Variants in CACNA1A observed in about 807,000 individuals in gnomAD.
CACNA1A encodes voltage-dependent P/Q-type calcium channel subunit alpha-1A.
CACNA1A carries 57 observed loss-of-function variants against 262.4 expected under a neutral mutation model. The observed-to-expected ratio is 0.22, with a 90% CI of 0.18 to 0.27. The LOEUF (loss-of-function observed/expected upper bound fraction) is 0.27. Ranked by LOEUF, CACNA1A falls within the 10% of genes least tolerant of loss-of-function variation. CACNA1A has a pLI of 1.00. For synonymous variants in CACNA1A, 1,431 were observed against 1,419.3 expected, an observed-to-expected ratio of 1.01 and a Z score of -0.18; for missense variants, 2,526 against 3,562.8, an observed-to-expected ratio of 0.71 and a Z score of 7.41.
intron 38 of CACNA1A, among the ~76,000 whole-genome samples, chr19:13,218,589 T>G (rs1042139628): frequency 6.6e-6 from 1 of 152,094 alleles, no homozygotes; most frequent in African/African-American, 2.4e-5. Flanking sequence ...GGAATTTGTT[T>G]GTTTGTTTGA....
intron 8 of CACNA1A, chr19:13,334,162 A>C: frequency 1.9e-6 from 1 of 530,638 alleles, no homozygotes; most frequent in Admixed American, 3.2e-5. Context: ...CTGATTTCAG[A>C]ATTCAAGTTA....
chr19:13,291,633 T>TTA (rs1164739870), intron 19 of CACNA1A, among the ~76,000 whole-genome samples: 5 of 97,360 alleles, frequency 5.1e-5, no homozygotes, highest in South Asian at 3.6e-4. Context: ...ACCCCATCTC[T>TTA]AAAAAAAAAA....
intron 6 of CACNA1A, among the ~76,000 whole-genome samples, chr19:13,342,994 A>G (rs192837134): frequency 6.6e-6 from 1 of 151,914 alleles, no homozygotes; most frequent in Non-Finnish European, 1.5e-5. Flanking sequence ...GGCTCAAGTG[A>G]TCCTCCTGCT....
intron 1 of CACNA1A, among the ~76,000 whole-genome samples, chr19:13,480,898 C>A (rs1353811000): frequency 2.0e-5 from 3 of 152,086 alleles, no homozygotes; most frequent in Admixed American, 2.0e-4. Flanking sequence ...TGAATCTGAT[C>A]AAAAACTCAT....
chr19:13,250,957 C>A (rs1427998782), intron 30 of CACNA1A, among the ~76,000 whole-genome samples: 1 of 151,498 alleles, frequency 6.6e-6, no homozygotes, highest in Non-Finnish European at 1.5e-5. Flanking sequence ...CATGGTGAAA[C>A]CCCGTCTCTA....
chr19:13,470,106 A>C (rs2061324800), intron 1 of CACNA1A, among the ~76,000 whole-genome samples: 1 of 152,142 alleles, frequency 6.6e-6, no homozygotes, highest in Non-Finnish European at 1.5e-5. Context: ...ACACCCGTGC[A>C]TATTGGTATA....
rs147592897 is a variant in CACNA1A at position 13,216,341 on chromosome 19, A to C, written c.5732-1733T>G. Among the ~76,000 whole-genome samples, 795 of 151,876 alleles carry C rather than the reference A, an allele frequency of 5.2e-3. 5 individuals carry two copies. Among genetic ancestry groups the C allele is most frequent in the African/African-American group, 0.018 (734 of 41,422 alleles). On this transcript the variant is annotated intron_variant, in intron 38 of 46. Transcript: ENST00000360228. ...CAGAGCATTTATTATTATTTTTATT[A>C]TTGTTATTATTTTTGAGATGGAGTC...
At chr19:13,468,632 C>G (rs886586668) in intron 1 of CACNA1A, among the ~76,000 whole-genome samples, 1 of 152,058 alleles carries the variant, frequency 6.6e-6, no homozygotes, top group Non-Finnish European at 1.5e-5. Context: ...ACTAAAAATA[C>G]AAAAGTTAGC....
chr19:13,275,976 G>A lies in CACNA1A; in HGVS notation c.3883-20C>T, dbSNP rs769443982. On this transcript the variant is annotated intron_variant, in intron 23 of 46. Transcript: ENST00000360228. ...AATCATCTGTGGGGGAGAAGAGAGG[G>A]TGCTCAGAACCCCCACCTGATCCCC... 49 of 1,553,864 alleles carry A rather than the reference G, an allele frequency of 3.2e-5. No individual in the cohort carries two copies. Among genetic ancestry groups the A allele is most frequent in the Non-Finnish European group, 3.3e-5 (37 of 1,126,196 alleles).
chr19:13,250,645 C>T (rs949023000), intron 30 of CACNA1A, among the ~76,000 whole-genome samples: 1 of 152,118 alleles, frequency 6.6e-6, no homozygotes, highest in African/African-American at 2.4e-5. Context: ...ATCCACCCAC[C>T]TCTGTCTCCC....
At chr19:13,278,080 T>TG (rs2057192940) in intron 22 of CACNA1A, 3 of 89,504 alleles carry the variant, frequency 3.4e-5, no homozygotes, top group Admixed American at 1.3e-4. Context: ...AGAGACTGTC[T>TG]AAAAAAAAAA....
intron 3 of CACNA1A, among the ~76,000 whole-genome samples, chr19:13,409,047 C>T (rs1250331843): frequency 2.6e-5 from 4 of 152,222 alleles, no homozygotes; most frequent in South Asian, 4.1e-4. Context: ...CCATTCAGCA[C>T]GTCTCCGTGG....
At chr19:13,250,736 G>A (rs1278925388) in intron 30 of CACNA1A, among the ~76,000 whole-genome samples, 1 of 152,174 alleles carries the variant, frequency 6.6e-6, no homozygotes, top group African/African-American at 2.4e-5. Flanking sequence ...TTGGCCATGT[G>A]AGAATAGTGC....
At chr19:13,223,714 C>T (rs2055324855) in intron 38 of CACNA1A, among the ~76,000 whole-genome samples, 1 of 152,192 alleles carries the variant, frequency 6.6e-6, no homozygotes, top group Non-Finnish European at 1.5e-5. Context: ...CTGTCAGGGC[C>T]TTTGCCAGTC....
intron 3 of CACNA1A, among the ~76,000 whole-genome samples, chr19:13,430,009 GGGGAGT>G (rs2060477681): frequency 7.9e-6 from 1 of 126,286 alleles, no homozygotes; most frequent in Non-Finnish European, 1.7e-5. Context: ...AGGGGGGAAG[GGGGAGT>G]CGGGGAGAGG....
intron 30 of CACNA1A, among the ~76,000 whole-genome samples, chr19:13,249,889 G>A (rs1426613610): frequency 6.6e-6 from 1 of 152,092 alleles, no homozygotes; most frequent in Non-Finnish European, 1.5e-5. Flanking sequence ...GGTTTCCTGA[G>A]ACCCTGGCTG....
At chr19:13,299,439 G>A in intron 18 of CACNA1A, 86 bp from the exon 19 acceptor site, 1 of 1,087,060 alleles carries the variant, frequency 9.2e-7, no homozygotes, top group African/African-American at 1.5e-5. Context: ...CCACATCTCA[G>A]CCTCCCACTC....
chr19:13,406,365 G>C (rs1408798544), intron 3 of CACNA1A, among the ~76,000 whole-genome samples: 1 of 149,980 alleles, frequency 6.7e-6, no homozygotes, highest in African/African-American at 2.4e-5. Context: ...TGAGGAACAA[G>C]AGTTGCTTGA....
At chr19:13,437,777 G>T (rs368604942) in intron 3 of CACNA1A, among the ~76,000 whole-genome samples, 2 of 151,280 alleles carry the variant, frequency 1.3e-5, no homozygotes, top group Non-Finnish European at 2.9e-5. Context: ...CACCCAACCA[G>T]CCTGGCCTCT....
Sources: allele counts gnomAD v4.1 joint callset (sites outside exome capture counted in the v4.1 genomes callset), GRCh38; gene constraint gnomAD v4.1.1; transcripts MANE v1.5; gene names NCBI Gene and HGNC (gene_info 2026-07-23, HGNC 2026-07-21).